The following SMARCA4 variants were observed in gnomAD, a reference collection of about 807,000 sequenced individuals.
SMARCA4 encodes SWI/SNF-related matrix-associated actin-dependent regulator of chromatin subfamily A member 4.
Under a neutral mutation model 193.9 loss-of-function variants are expected in SMARCA4, and 31 were observed. That is an observed-to-expected ratio of 0.16 (90% CI 0.12 to 0.22). The LOEUF (loss-of-function observed/expected upper bound fraction) is 0.22, where lower values mean the gene tolerates loss of function less well. SMARCA4 is among the 10% of genes least tolerant of loss of function. SMARCA4 has a pLI of 1.00. For missense variants in SMARCA4, 1,148 were observed against 2,296.0 expected, an observed-to-expected ratio of 0.50 and a Z score of 10.22; for synonymous variants, 942 against 933.1, an observed-to-expected ratio of 1.01 and a Z score of -0.17.
At chr19:11,007,607 G>A (rs2088359073) in intron 13 of SMARCA4, among the ~76,000 whole-genome samples, 3 of 152,010 alleles carry the variant, frequency 2.0e-5, no homozygotes, top group Admixed American at 2.0e-4. Context: ...TGGGTGTGGT[G>A]GTGCATAGCT....
rs2076652500 is a variant in SMARCA4, at chr19:11,058,197, G to C, written c.4425-58G>C. The C allele has an allele frequency of 9.2e-7, 1 of 1,087,234 alleles. No homozygotes were observed. The highest frequency in any genetic ancestry group is 2.3e-5 in the East Asian group (1 of 42,558). The allele number at this position is 1,087,234 out of a possible 1,614,324, so 67.3% of individuals were successfully genotyped here. A position where few individuals can be genotyped will look rare whatever the true frequency, so the allele number is the denominator to read the frequency against. ...ACAATGTGGGAACCTGCTGAGGTGG[G>C]GTGGGGGCTCCCGGGTGGGCGGACT... On this transcript the variant is annotated intron_variant, in intron 30 of 34. Coordinates refer to ENST00000344626, the MANE Select transcript of SMARCA4 (RefSeq NM_003072.5). This position sits in a 1 kb window ranked among gnomAD's most constrained non-coding sequence, Gnocchi z 5.8.
chr19:10,962,958 G>A (rs1277765484), intron 1 of SMARCA4, among the ~76,000 whole-genome samples: 2 of 152,102 alleles, frequency 1.3e-5, no homozygotes, highest in Non-Finnish European at 2.9e-5. Flanking sequence ...TGAGAGCTGG[G>A]GTTGTGTCTG....
chr19:11,008,105 C>T (rs2146197802), intron 14 of SMARCA4, 82 bp downstream of exon 14: 1 of 1,442,374 alleles, frequency 6.9e-7, no homozygotes, highest in Non-Finnish European at 9.6e-7. Flanking sequence ...CCCAGCCATC[C>T]CTAGCTGACA....
At position 11,059,885 on chromosome 19, in the gene SMARCA4, T is replaced by C. The variant is rs1555796035; in HGVS notation, c.4768T>C (p.Ser1590Pro). ...EGEEEGSESE[S>P]RSVKVKIKLG... The stretch of plus-strand genomic sequence containing the variant: ...CGAGGAGGAAGGCTCCGAATCCGAA[T>C]GTGAGTCCCGGGGGGGTTCAGGACG... Residue 1590 changes from serine (S) to proline (P), a missense_variant and splice_region_variant, in exon 33 of 35, where the codon TCT becomes CCT. Ser to Pro is a moderately conservative substitution (Grantham distance 74). Transcript: ENST00000344626. 6.2e-7 allele frequency: 1 copy of C among 1,613,898 alleles called. No individual in the cohort carries two copies. Among genetic ancestry groups the C allele is most frequent in the Non-Finnish European group, 8.5e-7 (1 of 1,179,998 alleles).
At chr19:10,981,880 C>T (rs1395766889) in intron 1 of SMARCA4, among the ~76,000 whole-genome samples, 2 of 151,992 alleles carry the variant, frequency 1.3e-5, no homozygotes, top group African/African-American at 2.4e-5. Flanking sequence ...CCCAGCTACT[C>T]GGGAGGCTGA....
At chr19:10,964,636 A>T (rs12608948) in intron 1 of SMARCA4, among the ~76,000 whole-genome samples, 51,838 of 146,594 alleles carry the variant, frequency 0.35, 9,162 homozygotes, top group South Asian at 0.43. Context: ...TTTTTTTCTT[A>T]TGAGACAGAG....
intron 11 of SMARCA4, 136 bp from the exon 12 acceptor site, chr19:11,002,893 A>G (rs528701377): frequency 3.6e-5 from 32 of 879,006 alleles, no homozygotes; most frequent in South Asian, 3.4e-4. Context: ...CAGTTTACGC[A>G]TTTTCCCACC....
rs541128943 is a variant in SMARCA4 at position 11,034,356 on chromosome 19, G to A, written c.3951+156G>A. Among the ~76,000 whole-genome samples, 1 of 152,230 alleles carries A rather than the reference G, an allele frequency of 6.6e-6. No homozygotes were observed. Among genetic ancestry groups the A allele is most frequent in the African/African-American group, 2.4e-5 (1 of 41,534 alleles). Reference sequence around the variant, plus strand: ...CCCACTCCCACCTCCAGACTGACCCGTCTTCCACCCCCAGTCTCCTGAGGA... The same window carrying A: ...CCCACTCCCACCTCCAGACTGACCCATCTTCCACCCCCAGTCTCCTGAGGA... On this transcript the variant is annotated intron_variant, in intron 28 of 34. Transcript: ENST00000344626. This position sits in a 1 kb window ranked among gnomAD's most constrained non-coding sequence, Gnocchi z 7.0.
chr19:11,029,558 AG>A (rs2090496790), intron 24 of SMARCA4, among the ~76,000 whole-genome samples: 1 of 152,242 alleles, frequency 6.6e-6, no homozygotes, highest in Non-Finnish European at 1.5e-5. Context: ...CTGGAGTAGC[AG>A]GGGCACATCT....
chr19:10,967,940 G>A (rs1290670701), intron 1 of SMARCA4, among the ~76,000 whole-genome samples: 2 of 151,520 alleles, frequency 1.3e-5, no homozygotes, highest in Admixed American at 6.6e-5. Context: ...GCAATGGCAC[G>A]ATCTTGGCTC....
chr19:10,990,432 C>T (rs2086458315), intron 7 of SMARCA4, among the ~76,000 whole-genome samples: 1 of 152,164 alleles, frequency 6.6e-6, no homozygotes, highest in African/African-American at 2.4e-5. Context: ...GCATGTGCCC[C>T]ACGCCTGGCT....
chr19:10,988,605 C>T (rs1843983546), intron 6 of SMARCA4, among the ~76,000 whole-genome samples: 1 of 152,206 alleles, frequency 6.6e-6, no homozygotes, highest in Admixed American at 6.5e-5. Flanking sequence ...TTTGCACAGG[C>T]TGTGCATGGC....
Position 11,033,629 on chromosome 19 carries a change from T to C in SMARCA4, c.3774+112T>C, listed in dbSNP as rs983058708. The C allele has an allele frequency of 1.6e-5, 13 of 835,294 alleles. No homozygotes were observed. The highest frequency in any genetic ancestry group is 2.5e-5 in the Non-Finnish European group (12 of 480,316). The allele number at this position is 835,294 out of a possible 1,614,324, so 51.7% of individuals were successfully genotyped here. ...CACTCTTATTTTTTTTGCATCCCTT[T>C]GGAGTAAAGGGAGTGTGGGCTGAAC... On this transcript the variant is annotated intron_variant, in intron 26 of 34. Coordinates refer to ENST00000344626, the MANE Select transcript of SMARCA4 (RefSeq NM_003072.5). This position sits in a 1 kb window ranked among gnomAD's most constrained non-coding sequence, Gnocchi z 9.8.
Position 11,058,515 on chromosome 19 carries a change from G to C in SMARCA4, c.4533+152G>C. 1 of 720,200 alleles carries C rather than the reference G, an allele frequency of 1.4e-6. No individual in the cohort carries two copies. The highest frequency in any genetic ancestry group is 2.5e-6 in the Non-Finnish European group (1 of 402,014). The allele number at this position is 720,200 out of a possible 1,614,324, so 44.6% of individuals were successfully genotyped here. On this transcript the variant is annotated intron_variant, in intron 31 of 34. Transcript: ENST00000344626. The surrounding 1 kb of genome is among the most constrained non-coding windows in gnomAD (Gnocchi z 5.8). ...TACCTGGTTAGGGACCTGGTCGTGG[G>C]CTTTTGGGGTTCCTTGTAAGGGTTG...
chr19:11,060,573 C>T (rs539965905), intron 34 of SMARCA4: 8 of 350,380 alleles, frequency 2.3e-5, no homozygotes, highest in Admixed American at 3.9e-5. Flanking sequence ...CCCGTCTCCT[C>T]AGTGGCATAG....
At chr19:10,973,964 T>C (rs1414327472) in intron 1 of SMARCA4, among the ~76,000 whole-genome samples, 1 of 152,058 alleles carries the variant, frequency 6.6e-6, no homozygotes, top group Non-Finnish European at 1.5e-5. Context: ...TCCTGCCCAT[T>C]GCTGTTGTTC....
rs568182964 is a variant in SMARCA4, at chr19:11,034,629, G to T, written c.3952-285G>T. ...CCGCAGGCCTCATGCCTCCACCAAC[G>T]CTGGGCCACGCAGCTGCTGCCCCCC... On this transcript the variant is annotated intron_variant, in intron 28 of 34. Coordinates refer to ENST00000344626, the MANE Select transcript of SMARCA4 (RefSeq NM_003072.5). The surrounding 1 kb of genome is among the most constrained non-coding windows in gnomAD (Gnocchi z 7.0). Among the ~76,000 whole-genome samples the T allele has an allele frequency of 6.6e-6, 1 of 152,240 alleles. No homozygotes were observed. Among genetic ancestry groups the T allele is most frequent in the South Asian group, 2.1e-4 (1 of 4,828 alleles).
At chr19:11,049,489 T>TC (rs976757851) in intron 30 of SMARCA4, among the ~76,000 whole-genome samples, 4 of 151,586 alleles carry the variant, frequency 2.6e-5, no homozygotes, top group African/African-American at 9.7e-5. Context: ...TTCTGTGTTT[T>TC]TTTTTTTTTT....
chr19:11,024,189 T>C, intron 20 of SMARCA4, 142 bp from the exon 21 acceptor site: 1 of 705,576 alleles, frequency 1.4e-6, no homozygotes, highest in Non-Finnish European at 2.6e-6. Flanking sequence ...TCCCCAGCTG[T>C]GAGGGTCTCC....
Sources: gnomAD v4.1 joint callset for allele counts (sites outside exome capture counted in the v4.1 genomes callset) on GRCh38, gnomAD v4.1.1 for gene constraint, Gnocchi (gnomAD v3.1) non-coding constraint, MANE v1.5 for transcripts, NCBI Gene and HGNC (gene_info 2026-07-23, HGNC 2026-07-21) for gene names.